The following NR2F1-AS1 variants were observed in gnomAD, a reference collection of about 807,000 sequenced individuals.
NR2F1-AS1 encodes NR2F1 antisense RNA 1.
intron 2 of NR2F1-AS1, among the ~76,000 whole-genome samples, chr5:93,557,392 A>T (rs935425424): frequency 2.1e-4 from 32 of 152,216 alleles, no homozygotes; most frequent in African/African-American, 6.8e-4. Context: ...CATATCTTGA[A>T]GATATTCCAA....
chr5:93,464,457 C>G (rs2149865768), intron 4 of NR2F1-AS1, among the ~76,000 whole-genome samples: 1 of 152,160 alleles, frequency 6.6e-6, no homozygotes, highest in Non-Finnish European at 1.5e-5. Context: ...TTTTCAATTA[C>G]CCTTCTAATA....
At chr5:93,483,749 A>C (rs1750652665) in intron 4 of NR2F1-AS1, among the ~76,000 whole-genome samples, 1 of 152,216 alleles carries the variant, frequency 6.6e-6, no homozygotes, top group South Asian at 2.1e-4. Context: ...TTTAGAGAAG[A>C]ACATAAATGA....
intron 2 of NR2F1-AS1, among the ~76,000 whole-genome samples, chr5:93,559,636 C>T (rs921756848): frequency 5.9e-5 from 9 of 152,150 alleles, no homozygotes; most frequent in Admixed American, 6.5e-5. Flanking sequence ...CACTTGAACA[C>T]TTGAAGCCCA....
At chr5:93,483,002 G>A (rs1750634802) in intron 4 of NR2F1-AS1, among the ~76,000 whole-genome samples, 1 of 152,220 alleles carries the variant, frequency 6.6e-6, no homozygotes, top group South Asian at 2.1e-4. Context: ...CCTAGGGGAA[G>A]GGGCAGCTGT....
intron 4 of NR2F1-AS1, among the ~76,000 whole-genome samples, chr5:93,534,540 T>A (rs114468556): frequency 0.026 from 4,033 of 152,268 alleles, 92 homozygotes; most frequent in Middle Eastern, 0.051. Context: ...TTAATGAAAA[T>A]AAATCCCATT....
chr5:93,581,975 CCTCTCT>C (rs755899269), upstream of NR2F1-AS1, among the ~76,000 whole-genome samples: 2 of 102,294 alleles, frequency 2.0e-5, no homozygotes, highest in African/African-American at 3.8e-5. Flanking sequence ...CTCTCTCTCT[CCTCTCT>C]CTCTCTCTCC....
intron 4 of NR2F1-AS1, among the ~76,000 whole-genome samples, chr5:93,496,390 C>T (rs936381963): frequency 3.3e-5 from 5 of 152,098 alleles, no homozygotes; most frequent in African/African-American, 1.2e-4. Flanking sequence ...TTCAAAAAAT[C>T]AGCATGTGAG....
At chr5:93,505,562 T>A (rs1429157636) in intron 4 of NR2F1-AS1, among the ~76,000 whole-genome samples, 3 of 152,208 alleles carry the variant, frequency 2.0e-5, no homozygotes, top group African/African-American at 7.2e-5. Flanking sequence ...TCTTCTGAAA[T>A]CCAGGCAGAG....
At chr5:93,527,942 G>C (rs1324028389) in intron 4 of NR2F1-AS1, among the ~76,000 whole-genome samples, 1 of 152,158 alleles carries the variant, frequency 6.6e-6, no homozygotes. Flanking sequence ...CATGGGCAAA[G>C]ACTTCACGAC....
chr5:93,494,430 A>C (rs1300825980), intron 4 of NR2F1-AS1, among the ~76,000 whole-genome samples: 3 of 152,186 alleles, frequency 2.0e-5, no homozygotes, highest in Non-Finnish European at 4.4e-5. Flanking sequence ...CCAGCAGTTC[A>C]AGACCACCAG....
intron 4 of NR2F1-AS1, among the ~76,000 whole-genome samples, chr5:93,427,242 G>A (rs982955763): frequency 2.0e-5 from 3 of 152,008 alleles, no homozygotes; most frequent in Admixed American, 6.6e-5. Flanking sequence ...CGCTTCTAAA[G>A]GAAATATTGC....
chr5:93,455,617 T>C (rs1408039143), intron 4 of NR2F1-AS1, among the ~76,000 whole-genome samples: 1 of 152,062 alleles, frequency 6.6e-6, no homozygotes, highest in African/African-American at 2.4e-5. Context: ...CAAATAGATA[T>C]ACCATATAAA....
chr5:93,574,578 GAAAGA>G (rs1243794008), intron 1 of NR2F1-AS1, among the ~76,000 whole-genome samples: 1 of 152,100 alleles, frequency 6.6e-6, no homozygotes, highest in African/African-American at 2.4e-5. Context: ...GTGATTCGTG[GAAAGA>G]AAAGAAAAGA....
At chr5:93,568,444 T>C (rs545031002) in intron 1 of NR2F1-AS1, among the ~76,000 whole-genome samples, 1 of 152,218 alleles carries the variant, frequency 6.6e-6, no homozygotes, top group Non-Finnish European at 1.5e-5. Context: ...TGATGAAAAC[T>C]AATGGCAAGA....
intron 4 of NR2F1-AS1, among the ~76,000 whole-genome samples, chr5:93,459,296 A>T (rs775939857): frequency 2.0e-4 from 30 of 152,178 alleles, no homozygotes; most frequent in Non-Finnish European, 3.8e-4. Flanking sequence ...CAAAAAAGAG[A>T]TATACAAGAA....
At chr5:93,412,629 G>A (rs1693134313) in intron 4 of NR2F1-AS1, among the ~76,000 whole-genome samples, 1 of 152,192 alleles carries the variant, frequency 6.6e-6, no homozygotes, top group African/African-American at 2.4e-5. Context: ...TGGATTTTCG[G>A]TTTCCTACAA....
intron 4 of NR2F1-AS1, among the ~76,000 whole-genome samples, chr5:93,549,554 T>C (rs1752175647): frequency 6.6e-6 from 1 of 152,124 alleles, no homozygotes; most frequent in Non-Finnish European, 1.5e-5. Flanking sequence ...CTTTCTCATA[T>C]ACAATTTTTT....
chr5:93,570,401 G>A lies in NR2F1-AS1; in HGVS notation n.314-6938C>T, dbSNP rs550484694. The A allele has an allele frequency of 2.6e-5, 4 of 152,650 alleles. No individual in the cohort carries two copies. In the East Asian group the frequency reaches 5.8e-4, roughly 22 times the overall value. 9.5% of individuals were successfully genotyped at this position (152,650 alleles called of 1,614,324 possible). ...GGCAAGGTTCAGCGCTTTAGCCAGC[G>A]GCGGGGGAGGAAAGAGGCTAAATGG... On this transcript the variant is annotated intron_variant and non_coding_transcript_variant, in intron 1 of 5. Coordinates refer to ENST00000660523, the Ensembl canonical transcript of NR2F1-AS1.
At chr5:93,543,688 C>T (rs1404007527) in intron 4 of NR2F1-AS1, 1 of 152,184 alleles carries the variant, frequency 6.6e-6, no homozygotes, top group African/African-American at 2.4e-5. Context: ...TGGTAACTTA[C>T]AAACTTTTTT....
Sources: allele counts gnomAD v4.1 joint callset (sites outside exome capture counted in the v4.1 genomes callset), GRCh38; gene constraint gnomAD v4.1.1; transcripts MANE v1.5; gene names NCBI Gene and HGNC (gene_info 2026-07-23, HGNC 2026-07-21).